The following ADGRV1 variants were observed in gnomAD, a reference collection of about 807,000 sequenced individuals.
The protein encoded by ADGRV1 is adhesion G protein-coupled receptor V1.
ADGRV1 carries 359 observed loss-of-function variants against 596.2 expected under a neutral mutation model. That is an observed-to-expected ratio of 0.60 (90% confidence interval 0.55 to 0.66). ADGRV1 has a LOEUF of 0.66. Among genes scored for constraint, ADGRV1 ranks in the 30% least tolerant of loss-of-function variants. The pLI is 0.00. For synonymous variants in ADGRV1, 2,681 were observed against 2,679.2 expected, an observed-to-expected ratio of 1.00 and a Z score of -0.02; for missense variants, 7,274 against 7,575.6, an observed-to-expected ratio of 0.96 and a Z score of 1.48.
At chr5:90,876,511 T>G (rs754043723) in intron 83 of ADGRV1, among the ~76,000 whole-genome samples, 10 of 152,128 alleles carry the variant, frequency 6.6e-5, no homozygotes, top group Non-Finnish European at 1.3e-4. Context: ...TGCCAGTGTT[T>G]TACCATTTAT....
chr5:90,786,426 G>A (rs1364139813), intron 67 of ADGRV1, among the ~76,000 whole-genome samples: 1 of 152,124 alleles, frequency 6.6e-6, no homozygotes, highest in Non-Finnish European at 1.5e-5. Flanking sequence ...CATTCTAAGT[G>A]CAAATAGGAT....
chr5:91,098,808 A>G (rs2950849), intron 86 of ADGRV1, among the ~76,000 whole-genome samples: 24,824 of 152,172 alleles, frequency 0.16, 2,543 homozygotes, highest in African/African-American at 0.3. Context: ...ATGCAGGCCA[A>G]ACTTTGAAAA....
chr5:91,159,720 T>A (rs1030628258), intron 89 of ADGRV1, among the ~76,000 whole-genome samples: 14 of 152,064 alleles, frequency 9.2e-5, no homozygotes, highest in Non-Finnish European at 1.0e-4. Context: ...TTATTTTAAA[T>A]AGAGCTGTCT....
At chr5:90,681,836 CCCTCCCTT>C (rs1386725811) in intron 27 of ADGRV1, among the ~76,000 whole-genome samples, 4 of 141,910 alleles carry the variant, frequency 2.8e-5, no homozygotes, top group African/African-American at 1.1e-4. Context: ...CTCCGTCCCT[CCCTCCCTT>C]CCTTCTTTCC....
intron 50 of ADGRV1, among the ~76,000 whole-genome samples, chr5:90,739,416 G>A (rs1048751964): frequency 6.6e-6 from 1 of 152,050 alleles, no homozygotes; most frequent in African/African-American, 2.4e-5. Context: ...CCCTTTTCAG[G>A]CTTTTCTAGT....
At chr5:90,736,408 A>C (rs985566234) in intron 50 of ADGRV1, among the ~76,000 whole-genome samples, 2 of 152,062 alleles carry the variant, frequency 1.3e-5, no homozygotes, top group South Asian at 2.1e-4. Context: ...ATCTTTGTTC[A>C]TCAGAGATAT....
At chr5:90,751,619 A>C (rs1284988967) in intron 53 of ADGRV1, among the ~76,000 whole-genome samples, 2 of 152,174 alleles carry the variant, frequency 1.3e-5, no homozygotes, top group Non-Finnish European at 2.9e-5. Context: ...TCCTAGCTGG[A>C]AGATGGGTTG....
chr5:90,932,080 G>A (rs553273150), intron 83 of ADGRV1, among the ~76,000 whole-genome samples: 24 of 152,118 alleles, frequency 1.6e-4, no homozygotes, highest in Non-Finnish European at 3.1e-4. Flanking sequence ...CTCAAGCATT[G>A]CAGGGCAGCT....
At chr5:90,914,161 A>G (rs1268245421) in intron 83 of ADGRV1, among the ~76,000 whole-genome samples, 1 of 152,180 alleles carries the variant, frequency 6.6e-6, no homozygotes, top group Non-Finnish European at 1.5e-5. Flanking sequence ...CTTGCATTGT[A>G]CTTATCAGTT....
chr5:90,629,445 A>T lies in ADGRV1; in HGVS notation c.1745A>T (p.Asp582Val), dbSNP rs751740399. The change falls in exon 9 of 90, where the codon GAC (aspartate) becomes GTC (valine). Residue 582 changes from aspartate to valine, a missense_variant. Physicochemically the swap from Asp to Val is radical, Grantham distance 152. Coordinates refer to ENST00000405460, the MANE Select transcript of ADGRV1 (RefSeq NM_032119.4). ...EGILNISRRN[D>V]LIFPEQKTQV... is the part of the protein sequence containing the mutation. ...ATCTTAAATATATCAAGGAGAAATG[A>T]CCTCATTTTTCCAGAGCAAAAAACT... 19 of 1,613,564 alleles carry T rather than the reference A, an allele frequency of 1.2e-5. No homozygotes were observed. The highest frequency in any genetic ancestry group is 1.7e-5 in the Admixed American group (1 of 59,972).
chr5:90,788,331 C>A (rs1581126811), intron 68 of ADGRV1, 21 bp downstream of exon 68: 2 of 1,570,244 alleles, frequency 1.3e-6, no homozygotes, highest in South Asian at 1.2e-5. Context: ...CTTTATTTTT[C>A]TCACAAAATG....
chr5:91,130,503 CAA>C (rs1322285962), intron 87 of ADGRV1, among the ~76,000 whole-genome samples: 1 of 88,392 alleles, frequency 1.1e-5, no homozygotes, highest in African/African-American at 4.4e-5. Flanking sequence ...GCCTGGGTGA[CAA>C]GAGTGAAACT....
At chr5:90,764,251 A>G (rs1470672719) in intron 59 of ADGRV1, among the ~76,000 whole-genome samples, 1 of 152,172 alleles carries the variant, frequency 6.6e-6, no homozygotes, top group Non-Finnish European at 1.5e-5. Context: ...TGTTACCAAA[A>G]TGGGCTCAGG....
At chr5:90,719,286 A>G (rs544779617) in intron 43 of ADGRV1, among the ~76,000 whole-genome samples, 5 of 152,176 alleles carry the variant, frequency 3.3e-5, no homozygotes, top group African/African-American at 9.6e-5. Context: ...GTGCCACTGC[A>G]TTTCAGCCTG....
chr5:90,836,858 T>C (rs1285937020), intron 77 of ADGRV1, among the ~76,000 whole-genome samples: 3 of 152,236 alleles, frequency 2.0e-5, no homozygotes, highest in African/African-American at 7.2e-5. Flanking sequence ...TATTTTCCTG[T>C]TGCTTAATTG....
rs183465983 is a variant in ADGRV1 at position 90,705,456 on chromosome 5, A to G, written c.8443A>G (p.Thr2815Ala). 15 of 1,613,966 alleles carry G rather than the reference A, an allele frequency of 9.3e-6. No individual in the cohort carries two copies. The African/African-American group carries it at 1.7e-4, about 19-fold the overall frequency. ...TGCTCAAGGATATGCAGCTGTCCTCACAGTAGAAGCCAGTGATGAACCACA... is the reference window on the plus strand; with the variant it reads ...TGCTCAAGGATATGCAGCTGTCCTCGCAGTAGAAGCCAGTGATGAACCACA... ...LDAQGYAAVLTVEASDEPHGV... is the reference protein window; with the variant it reads ...LDAQGYAAVLAVEASDEPHGV... The change falls in exon 37 of 90, where the codon ACA (threonine) becomes GCA (alanine). Residue 2815 changes from threonine to alanine, a missense_variant. By Grantham distance (58) the Thr-to-Ala change is moderately conservative. Coordinates refer to ENST00000405460, the MANE Select transcript of ADGRV1 (RefSeq NM_032119.4).
At chr5:91,077,275 G>C (rs1479658854) in intron 86 of ADGRV1, among the ~76,000 whole-genome samples, 1 of 152,176 alleles carries the variant, frequency 6.6e-6, no homozygotes, top group Non-Finnish European at 1.5e-5. Flanking sequence ...GAAGCAGGTA[G>C]ATGCAGGACA....
chr5:90,677,455 T>G (rs140144471), intron 25 of ADGRV1, among the ~76,000 whole-genome samples: 1 of 152,304 alleles, frequency 6.6e-6, no homozygotes, highest in Non-Finnish European at 1.5e-5. Flanking sequence ...GACAAGTCCT[T>G]GTATCTCCAA....
intron 87 of ADGRV1, among the ~76,000 whole-genome samples, chr5:91,136,806 C>A (rs1484591870): frequency 2.0e-5 from 3 of 152,118 alleles, no homozygotes; most frequent in African/African-American, 7.2e-5. Flanking sequence ...TTTAAACCAC[C>A]CTGTTCTTTA....
Sources: gnomAD v4.1 joint callset for allele counts (sites outside exome capture counted in the v4.1 genomes callset) on GRCh38, gnomAD v4.1.1 for gene constraint, MANE v1.5 for transcripts, NCBI Gene and HGNC (gene_info 2026-07-23, HGNC 2026-07-21) for gene names.